CDH4: variants seen among roughly 807,000 people sequenced by gnomAD.
CDH4 encodes cadherin 4.
CDH4 carries 33 observed loss-of-function variants against 86.0 expected under a neutral mutation model. The observed-to-expected ratio is 0.38, with a 90% confidence interval of 0.29 to 0.51. CDH4 has a LOEUF of 0.51. Ranked by LOEUF, CDH4 falls within the 20% of genes least tolerant of loss-of-function variation. CDH4 has a pLI of 0.86. For synonymous variants in CDH4, 555 were observed against 549.4 expected (o/e 1.01, Z -0.14); for missense variants, 1,114 against 1,307.4 (o/e 0.85, Z 2.28).
intron 2 of CDH4, among the ~76,000 whole-genome samples, chr20:61,438,074 G>C (rs2085295031): frequency 6.6e-6 from 1 of 152,188 alleles, no homozygotes; most frequent in African/African-American, 2.4e-5. Context: ...GTGCATGCCA[G>C]GTTTGCCCAG....
At chr20:61,687,475 C>G (rs901457260) in intron 2 of CDH4, among the ~76,000 whole-genome samples, 1 of 152,152 alleles carries the variant, frequency 6.6e-6, no homozygotes, top group African/African-American at 2.4e-5. Context: ...ACAGCCTGGG[C>G]GGGACTTGCT....
intron 4 of CDH4, among the ~76,000 whole-genome samples, chr20:61,831,726 G>A (rs35071831): frequency 6.6e-6 from 1 of 152,116 alleles, no homozygotes; most frequent in Non-Finnish European, 1.5e-5. Flanking sequence ...GGGCGGGGTG[G>A]GGGGACAGGG....
intron 2 of CDH4, among the ~76,000 whole-genome samples, chr20:61,733,704 A>ACAAT (rs1192030571): frequency 6.7e-6 from 1 of 148,226 alleles, no homozygotes; most frequent in Non-Finnish European, 1.5e-5. Flanking sequence ...GAAGAAAGAA[A>ACAAT]GAATGAAAGA....
chr20:61,323,237 C>T (rs2084518771), intron 2 of CDH4, among the ~76,000 whole-genome samples: 1 of 152,198 alleles, frequency 6.6e-6, no homozygotes, highest in African/African-American at 2.4e-5. Flanking sequence ...GGAGTGATTG[C>T]CACTAGCTGC....
At position 61,518,961 on chromosome 20, in the gene CDH4, T is replaced by C. The variant is rs979497700; in HGVS notation, c.170-224602T>C. 9.1e-5 allele frequency among the ~76,000 whole-genome samples: 12 copies of C among 132,194 alleles called. No homozygotes were observed. Among genetic ancestry groups the C allele is most frequent in the African/African-American group, 3.7e-4 (12 of 32,228 alleles). 86.7% of individuals were successfully genotyped at this position (132,194 alleles called of 152,430 possible). ...ATCATTCATTCATCTATCCATCCAT[T>C]ATTTATCCATCCATCCATCCTTCAT... On this transcript the variant is annotated intron_variant, in intron 2 of 15. Coordinates refer to ENST00000614565, the MANE Select transcript of CDH4 (RefSeq NM_001794.5). This position sits in a 1 kb window ranked among gnomAD's most constrained non-coding sequence, Gnocchi z 6.3.
intron 4 of CDH4, among the ~76,000 whole-genome samples, chr20:61,777,791 C>T (rs1282105996): frequency 1.3e-5 from 2 of 151,742 alleles, no homozygotes; most frequent in African/African-American, 2.4e-5. Flanking sequence ...CATCCACATG[C>T]GCACACACGT....
At position 61,883,949 on chromosome 20, in the gene CDH4, C is replaced by T. The variant is rs531392343; in HGVS notation, c.1050+10049C>T. ...CCCAGCATCCCCACCCCCCAACCCC[C>T]GTGTGGTGGGTTTTGTGGATTTAGG... On this transcript the variant is annotated intron_variant, in intron 7 of 15. Coordinates refer to ENST00000614565, the MANE Select transcript of CDH4 (RefSeq NM_001794.5). 4.6e-5 allele frequency among the ~76,000 whole-genome samples: 7 copies of T among 152,288 alleles called. No individual in the cohort carries two copies. The East Asian group carries it at 9.7e-4, about 21-fold the overall frequency.
chr20:61,742,858 T>C (rs1188050662), intron 2 of CDH4, among the ~76,000 whole-genome samples: 1 of 152,152 alleles, frequency 6.6e-6, no homozygotes, highest in Non-Finnish European at 1.5e-5. Context: ...AGCGAAGCAA[T>C]GCTCAGCACC....
At chr20:61,590,774 G>A (rs184649048) in intron 2 of CDH4, among the ~76,000 whole-genome samples, 128 of 151,964 alleles carry the variant, frequency 8.4e-4, no homozygotes, top group Non-Finnish European at 1.2e-3. Context: ...GAGTCCAGTC[G>A]TCTGGATTTG....
chr20:61,897,628 C>T (rs1178870577), intron 8 of CDH4, among the ~76,000 whole-genome samples: 1 of 152,244 alleles, frequency 6.6e-6, no homozygotes, highest in Non-Finnish European at 1.5e-5. Context: ...TGACCGGCCA[C>T]ACCACCCTGG....
At chr20:61,833,875 G>A (rs1189317347) in intron 4 of CDH4, among the ~76,000 whole-genome samples, 1 of 152,230 alleles carries the variant, frequency 6.6e-6, no homozygotes, top group Non-Finnish European at 1.5e-5. Flanking sequence ...ATTTCCCAAA[G>A]TGAAGAGCCA....
rs532070535 is a variant in CDH4, at chr20:61,414,841, T to C, written c.169+159904T>C. ...TGCAGAGCCAGCCTGCCTCCTCCCG[T>C]GGTGAGAGTGGCAGCTGGTCTGGAC... On this transcript the variant is annotated intron_variant, in intron 2 of 15. Coordinates refer to ENST00000614565, the MANE Select transcript of CDH4 (RefSeq NM_001794.5). Among the ~76,000 whole-genome samples, 3 of 152,276 alleles carry C rather than the reference T, an allele frequency of 2.0e-5. No individual in the cohort carries two copies. The East Asian group carries it at 5.8e-4, about 29-fold the overall frequency.
intron 2 of CDH4, among the ~76,000 whole-genome samples, chr20:61,358,999 C>G (rs1451181840): frequency 6.6e-6 from 1 of 152,078 alleles, no homozygotes; most frequent in Non-Finnish European, 1.5e-5. Flanking sequence ...CATTCACGTC[C>G]TTATGCTTGT....
In CDH4 at chr20:61,582,763, T is replaced by C. The variant is rs1305459456; in HGVS notation, c.170-160800T>C. On this transcript the variant is annotated intron_variant, in intron 2 of 15. Coordinates refer to ENST00000614565, the MANE Select transcript of CDH4 (RefSeq NM_001794.5). The surrounding 1 kb of genome is among the most constrained non-coding windows in gnomAD (Gnocchi z 4.2). ...GTGCCCAGCACGCCTGCCCTTCGTT[T>C]CTTTAACAGTTTTATTAAGGTGTAA... is the stretch of plus-strand genomic sequence containing the variant. Among the ~76,000 whole-genome samples the C allele has an allele frequency of 2.6e-5, 4 of 152,066 alleles. No homozygotes were observed. Among genetic ancestry groups the C allele is most frequent in the Admixed American group, 1.3e-4 (2 of 15,264 alleles).
intron 2 of CDH4, among the ~76,000 whole-genome samples, chr20:61,273,072 C>T: frequency 1.3e-5 from 1 of 75,268 alleles, no homozygotes; most frequent in South Asian, 5.2e-4. Flanking sequence ...GGACCATGTG[C>T]AGTTTGGGGG....
At chr20:61,388,269 G>A (rs1300513646) in intron 2 of CDH4, among the ~76,000 whole-genome samples, 1 of 151,930 alleles carries the variant, frequency 6.6e-6, no homozygotes, top group Non-Finnish European at 1.5e-5. Flanking sequence ...CGGAGTGGTG[G>A]TGGGTGGGGG....
intron 7 of CDH4, among the ~76,000 whole-genome samples, chr20:61,887,297 G>A (rs762342103): frequency 9.2e-5 from 14 of 152,138 alleles, no homozygotes; most frequent in Non-Finnish European, 1.3e-4. Flanking sequence ...TCCTTCCTGC[G>A]GGTCTAGCTT....
rs779703996 is a variant in CDH4 at position 61,902,267 on chromosome 20, G to C, written c.1188+7220G>C. 1.3e-5 allele frequency among the ~76,000 whole-genome samples: 2 copies of C among 152,228 alleles called. No individual in the cohort carries two copies. Among genetic ancestry groups the C allele is most frequent in the Admixed American group, 1.3e-4 (2 of 15,292 alleles). On this transcript the variant is annotated intron_variant, in intron 8 of 15. Transcript: ENST00000614565. The surrounding 1 kb of genome is among the most constrained non-coding windows in gnomAD (Gnocchi z 4.6). ...ATGCAGAGGCAGAAAAGGTCAAGCC[G>C]GGGCCTCTGAAACCAGGACCCCCGG...
chr20:61,408,182 T>A (rs2085094705), intron 2 of CDH4, among the ~76,000 whole-genome samples: 1 of 152,284 alleles, frequency 6.6e-6, no homozygotes, highest in African/African-American at 2.4e-5. Context: ...TTACACTTCA[T>A]GCTCACCCAG....
Sources: gnomAD v4.1 joint callset for allele counts (sites outside exome capture counted in the v4.1 genomes callset) on GRCh38, gnomAD v4.1.1 for gene constraint, Gnocchi (gnomAD v3.1) non-coding constraint, MANE v1.5 for transcripts, NCBI Gene and HGNC (gene_info 2026-07-23, HGNC 2026-07-21) for gene names.